The following SLC10A7 variants were observed in gnomAD, a reference collection of about 807,000 sequenced individuals.
SLC10A7 encodes solute carrier family 10 member 7.
A neutral mutation model predicts 43.2 loss-of-function variants in SLC10A7; 29 were observed. The ratio of observed to expected loss-of-function variants is 0.67; its 90% CI spans 0.50 to 0.92. SLC10A7 has a LOEUF of 0.92. Among genes scored for constraint, SLC10A7 ranks in the 40% least tolerant of loss-of-function variants. SLC10A7 has a pLI of 0.00. For synonymous variants in SLC10A7, 152 were observed against 144.8 expected, an observed-to-expected ratio of 1.05 and a Z score of -0.35; for missense variants, 295 against 403.2, an observed-to-expected ratio of 0.73 and a Z score of 2.30.
chr4:146,288,183 T>G (rs1380786284), intron 9 of SLC10A7, among the ~76,000 whole-genome samples: 1 of 152,116 alleles, frequency 6.6e-6, no homozygotes, highest in Admixed American at 6.5e-5. Flanking sequence ...ACATTTAAGG[T>G]TAAAAACAAT....
intron 5 of SLC10A7, among the ~76,000 whole-genome samples, chr4:146,439,301 C>T (rs1425510189): frequency 6.6e-6 from 1 of 152,032 alleles, no homozygotes; most frequent in Non-Finnish European, 1.5e-5. Context: ...ATTAAAGTAG[C>T]TATAAATATG....
intron 10 of SLC10A7, among the ~76,000 whole-genome samples, chr4:146,263,008 G>A (rs1367856257): frequency 1.3e-5 from 2 of 152,198 alleles, no homozygotes; most frequent in African/African-American, 2.4e-5. Context: ...TGACCTGGGC[G>A]CTCCAGCCAT....
chr4:146,265,516 G>A (rs548656165), intron 10 of SLC10A7, among the ~76,000 whole-genome samples: 9 of 152,248 alleles, frequency 5.9e-5, no homozygotes, highest in East Asian at 3.9e-4. Context: ...GAAGCCACTC[G>A]TTCTAGATGC....
chr4:146,462,008 T>G (rs2149938696), intron 4 of SLC10A7, among the ~76,000 whole-genome samples: 1 of 152,180 alleles, frequency 6.6e-6, no homozygotes, highest in Admixed American at 6.6e-5. Flanking sequence ...AATTAGTGAA[T>G]AGTTCTCATG....
At chr4:146,479,364 A>G (rs1017357161) in intron 4 of SLC10A7, among the ~76,000 whole-genome samples, 4 of 152,140 alleles carry the variant, frequency 2.6e-5, no homozygotes, top group African/African-American at 7.2e-5. Flanking sequence ...TCATAACACT[A>G]CCTACTCTGT....
chr4:146,274,067 T>A (rs1236560592), intron 10 of SLC10A7, among the ~76,000 whole-genome samples: 1 of 152,174 alleles, frequency 6.6e-6, no homozygotes, highest in Non-Finnish European at 1.5e-5. Context: ...CATTCTGAAT[T>A]TATTTTAAAT....
chr4:146,396,631 T>C (rs1738844066), intron 5 of SLC10A7, among the ~76,000 whole-genome samples: 2 of 152,172 alleles, frequency 1.3e-5, no homozygotes, highest in Middle Eastern at 3.4e-3. Flanking sequence ...AGGATACAAA[T>C]ACATGAAAAG....
chr4:146,354,765 C>G (rs1474607102), intron 5 of SLC10A7, among the ~76,000 whole-genome samples: 1 of 147,250 alleles, frequency 6.8e-6, no homozygotes, highest in Non-Finnish European at 1.5e-5. Context: ...TTTGACAAAC[C>G]TGAGAAAAAC....
At chr4:146,270,421 G>A (rs545808645) in intron 10 of SLC10A7, among the ~76,000 whole-genome samples, 2 of 152,154 alleles carry the variant, frequency 1.3e-5, no homozygotes, top group South Asian at 2.1e-4. Context: ...AACCCATCTC[G>A]CATTCTTTTT....
chr4:146,419,835 A>T (rs1728827694), intron 5 of SLC10A7, among the ~76,000 whole-genome samples: 1 of 145,900 alleles, frequency 6.9e-6, no homozygotes, highest in Non-Finnish European at 1.5e-5. Flanking sequence ...GACTCCGTCT[A>T]AAAAAAAAAA....
chr4:146,324,595 G>C lies in SLC10A7; in HGVS notation c.471+1366C>G, dbSNP rs528933537. Among the ~76,000 whole-genome samples the C allele has an allele frequency of 5.3e-5, 8 of 152,242 alleles. No individual in the cohort carries two copies. In the South Asian group the frequency reaches 1.7e-3, roughly 32 times the overall value. Reference sequence around the variant, plus strand: ...TTACCAGATGCTGAGCTCTATACTAGTCCCTTGACCTACTGCAAGTGGGGA... The same window carrying C: ...TTACCAGATGCTGAGCTCTATACTACTCCCTTGACCTACTGCAAGTGGGGA... On this transcript the variant is annotated intron_variant, in intron 6 of 11. Coordinates refer to ENST00000335472, the MANE Select transcript of SLC10A7 (RefSeq NM_001029998.6).
intron 5 of SLC10A7, among the ~76,000 whole-genome samples, chr4:146,390,274 T>A (rs1368160806): frequency 6.6e-6 from 1 of 152,200 alleles, no homozygotes; most frequent in Non-Finnish European, 1.5e-5. Context: ...AAGCTAATAG[T>A]TATTAAAGGC....
At chr4:146,392,933 T>C (rs898395618) in intron 5 of SLC10A7, among the ~76,000 whole-genome samples, 2 of 152,092 alleles carry the variant, frequency 1.3e-5, no homozygotes, top group African/African-American at 4.8e-5. Flanking sequence ...GCACAATGGC[T>C]TTCTTTTAGT....
At chr4:146,365,459 G>A (rs1399448473) in intron 5 of SLC10A7, among the ~76,000 whole-genome samples, 1 of 152,140 alleles carries the variant, frequency 6.6e-6, no homozygotes, top group Non-Finnish European at 1.5e-5. Flanking sequence ...GTACATTAAA[G>A]TTTACCTCTA....
At chr4:146,286,509 T>TTTGGAGTGGTGAGAAGGACCGA (rs1729963670) in intron 9 of SLC10A7, among the ~76,000 whole-genome samples, 1 of 23,388 alleles carries the variant, frequency 4.3e-5, no homozygotes, top group Admixed American at 4.6e-4. Context: ...AGAAGGACTG[T>TTTGGAGTGGTGAGAAGGACCGA]GTTTGGAGTG....
At chr4:146,324,147 CAAA>C (rs1031404614) in intron 6 of SLC10A7, among the ~76,000 whole-genome samples, 4 of 152,132 alleles carry the variant, frequency 2.6e-5, no homozygotes, top group African/African-American at 9.7e-5. Context: ...AGGAGAACTA[CAAA>C]CCACTGCTCA....
At chr4:146,512,312 T>G (rs745490168) in intron 2 of SLC10A7, among the ~76,000 whole-genome samples, 2 of 152,142 alleles carry the variant, frequency 1.3e-5, no homozygotes, top group African/African-American at 2.4e-5. Flanking sequence ...TGGCATAACT[T>G]TTCTGAAAAT....
At position 146,516,498 on chromosome 4, in the gene SLC10A7, A is replaced by G. The variant is rs1410508788; in HGVS notation, c.183+540T>C. ...TATGTGTATATATATACACATATAC[A>G]TATACACATACATATATGTGTCAAA... On this transcript the variant is annotated intron_variant, in intron 2 of 11. Coordinates refer to ENST00000335472, the MANE Select transcript of SLC10A7 (RefSeq NM_001029998.6). 3.3e-5 allele frequency among the ~76,000 whole-genome samples: 5 copies of G among 149,414 alleles called. No individual in the cohort carries two copies. The South Asian group carries it at 1.1e-3, about 32-fold the overall frequency.
intron 5 of SLC10A7, among the ~76,000 whole-genome samples, chr4:146,415,504 T>C (rs2679157): frequency 0.26 from 39,730 of 152,074 alleles, 5,916 homozygotes; most frequent in African/African-American, 0.41. Flanking sequence ...ATTATATTCT[T>C]ATCCAGGGAA....
Sources: allele counts gnomAD v4.1 joint callset (sites outside exome capture counted in the v4.1 genomes callset), GRCh38; gene constraint gnomAD v4.1.1; transcripts MANE v1.5; gene names NCBI Gene and HGNC (gene_info 2026-07-23, HGNC 2026-07-21).